The following SFXN1 variants were observed in gnomAD, a reference collection of about 807,000 sequenced individuals.
The protein encoded by SFXN1 is sideroflexin-1.
In SFXN1, 32 loss-of-function variants were observed where a neutral mutation model predicts 39.5. The observed-to-expected ratio is 0.81, with a 90% CI of 0.61 to 1.09. SFXN1 has a LOEUF of 1.09. Among genes scored for constraint, SFXN1 ranks in the 50% least tolerant of loss-of-function variants. The pLI is 0.00. For synonymous variants in SFXN1, 136 were observed against 146.5 expected, an observed-to-expected ratio of 0.93 and a Z score of 0.52; for missense variants, 402 against 407.1, an observed-to-expected ratio of 0.99 and a Z score of 0.11.
At chr5:175,521,487 T>C (rs1261439409) in intron 8 of SFXN1, among the ~76,000 whole-genome samples, 1 of 152,162 alleles carries the variant, frequency 6.6e-6, no homozygotes, top group African/African-American at 2.4e-5. Flanking sequence ...TTTTGTACCA[T>C]CACAAGGAAA....
At chr5:175,505,152 G>A (rs1581296813) in intron 2 of SFXN1, among the ~76,000 whole-genome samples, 2 of 152,180 alleles carry the variant, frequency 1.3e-5, no homozygotes, top group East Asian at 3.9e-4. Context: ...TAGGCCTGGG[G>A]AGAAAGGCTG....
At chr5:175,522,719 C>A in intron 10 of SFXN1, 1 of 308,764 alleles carries the variant, frequency 3.2e-6, no homozygotes, top group Non-Finnish European at 6.0e-6. Flanking sequence ...AAATATGGTC[C>A]AATCCACTGG....
chr5:175,498,349 A>G (rs1300856666), intron 2 of SFXN1, among the ~76,000 whole-genome samples: 3 of 152,296 alleles, frequency 2.0e-5, no homozygotes, highest in South Asian at 4.1e-4. Flanking sequence ...AACCCTCACA[A>G]CCTTTGAGGG....
chr5:175,500,233 G>A (rs1047886881), intron 2 of SFXN1, among the ~76,000 whole-genome samples: 1 of 151,696 alleles, frequency 6.6e-6, no homozygotes, highest in African/African-American at 2.4e-5. Context: ...AATGGGTTTA[G>A]TAAGGTTACA....
In SFXN1 at chr5:175,528,389, G is replaced by A. The variant is rs74371054; in HGVS notation, c.*1655G>A. On this transcript the variant is annotated 3_prime_UTR_variant, in exon 11 of 11. Transcript: ENST00000321442. ...TGTGCCTAGGTTATATGCAAATACT[G>A]TGCCATTTTATATCAGGAACTTGAG... 6.6e-6 allele frequency: 1 copy of A among 152,096 alleles called. No individual in the cohort carries two copies. The highest frequency in any genetic ancestry group is 2.4e-5 in the African/African-American group (1 of 41,396). 9.4% of individuals were successfully genotyped at this position (152,096 alleles called of 1,614,324 possible). A position where few individuals can be genotyped will look rare whatever the true frequency, so the allele number is the denominator to read the frequency against.
chr5:175,496,228 A>G (rs1451535150), intron 2 of SFXN1, among the ~76,000 whole-genome samples: 2 of 151,228 alleles, frequency 1.3e-5, no homozygotes, highest in East Asian at 1.9e-4. Context: ...ATTGTAATAG[A>G]TAGCCAGGCA....
intron 1 of SFXN1, among the ~76,000 whole-genome samples, chr5:175,487,035 A>C (rs1295186347): frequency 6.6e-6 from 1 of 152,202 alleles, no homozygotes; most frequent in African/African-American, 2.4e-5. Flanking sequence ...AACCCATATC[A>C]GATCTTCACC....
chr5:175,481,986 G>C (rs1338922152), intron 1 of SFXN1, among the ~76,000 whole-genome samples: 2 of 152,206 alleles, frequency 1.3e-5, no homozygotes, highest in Non-Finnish European at 2.9e-5. Context: ...TGGCCTCCAA[G>C]GGTCAGAATT....
At chr5:175,478,680 A>T (rs1759112044) in intron 1 of SFXN1, 41 bp downstream of exon 1, 2 of 152,428 alleles carry the variant, frequency 1.3e-5, no homozygotes, top group Admixed American at 1.3e-4. Flanking sequence ...GGGTGGGGAA[A>T]CGCGCAGGGG....
intron 1 of SFXN1, among the ~76,000 whole-genome samples, chr5:175,479,755 G>A (rs571309251): frequency 1.3e-5 from 2 of 152,252 alleles, no homozygotes; most frequent in Non-Finnish European, 1.5e-5. Context: ...GCACTTAGCT[G>A]CTCCGTAGGC....
intron 10 of SFXN1, 141 bp downstream of exon 10, chr5:175,522,563 G>A (rs2113362803): frequency 1.4e-6 from 1 of 717,178 alleles, no homozygotes; most frequent in Non-Finnish European, 2.2e-6. Flanking sequence ...TAAAAGGAAG[G>A]GATGGAGGCA....
chr5:175,512,392 G>A (rs1760553297), intron 6 of SFXN1, among the ~76,000 whole-genome samples, 196 bp downstream of exon 6: 1 of 152,202 alleles, frequency 6.6e-6, no homozygotes, highest in Admixed American at 6.5e-5. Flanking sequence ...TTAGCGATGA[G>A]TTACTGATTA....
intron 8 of SFXN1, among the ~76,000 whole-genome samples, chr5:175,520,723 A>G (rs1022552746): frequency 6.6e-6 from 1 of 152,106 alleles, no homozygotes; most frequent in Non-Finnish European, 1.5e-5. Context: ...GCTAAGTACT[A>G]TGTTTACCCT....
At chr5:175,514,325 A>G (rs1019682388) in intron 7 of SFXN1, among the ~76,000 whole-genome samples, 4 of 152,126 alleles carry the variant, frequency 2.6e-5, no homozygotes, top group Non-Finnish European at 4.4e-5. Flanking sequence ...AGGTTTCCCT[A>G]TAGGGACTGG....
At chr5:175,492,015 A>G in intron 1 of SFXN1, 80 bp from the exon 2 acceptor site, 1 of 1,122,066 alleles carries the variant, frequency 8.9e-7, no homozygotes, top group South Asian at 1.8e-5. Context: ...TTACTCAAAA[A>G]TTTAAGGTGA....
rs145757790 is a variant in SFXN1, at chr5:175,514,633, G to A, written c.724+1043G>A. ...AAGTCATCCATTGATACTGTTTTGC[G>A]GTTTTTAAATTCCTTTTGTCACTGT... On this transcript the variant is annotated intron_variant, in intron 7 of 10. Transcript: ENST00000321442. 7.0e-3 allele frequency among the ~76,000 whole-genome samples: 1,069 copies of A among 152,284 alleles called. 16 individuals are homozygous for A. Among genetic ancestry groups the A allele is most frequent in the African/African-American group, 0.024 (1,016 of 41,556 alleles).
chr5:175,497,427 G>C (rs976237682), intron 2 of SFXN1, among the ~76,000 whole-genome samples: 2 of 152,072 alleles, frequency 1.3e-5, no homozygotes, highest in Non-Finnish European at 2.9e-5. Flanking sequence ...CAAAAAGAAA[G>C]TAATAAAAAT....
At chr5:175,501,180 T>C (rs1277123227) in intron 2 of SFXN1, among the ~76,000 whole-genome samples, 7 of 150,916 alleles carry the variant, frequency 4.6e-5, no homozygotes, top group Admixed American at 1.3e-4. Context: ...GCTATTCTCC[T>C]GCCTAAGCCT....
Position 175,524,124 on chromosome 5 carries a change from AAATATATATATATATATATATATAT to A in SFXN1, c.872+1704_872+1728del, listed in dbSNP as rs1561678497. 7 of 25,040 alleles carry A rather than the reference AAATATATATATATATATATATATAT, an allele frequency of 2.8e-4. 1 individual carries two copies. The highest frequency in any genetic ancestry group is 4.0e-3 in the South Asian group (2 of 498). The allele number at this position is 25,040 out of a possible 1,614,324, so 1.6% of individuals were successfully genotyped here. On this transcript the variant is annotated intron_variant, in intron 10 of 10. Transcript: ENST00000321442. ...GTCTCAAAAAAAAAAAAAAAAAAAA[AAATATATATATATATATATATATAT>A]ATATATATATATATATATATATCTC... is the stretch of plus-strand genomic sequence containing the variant.
Sources: allele counts gnomAD v4.1 joint callset (sites outside exome capture counted in the v4.1 genomes callset), GRCh38; gene constraint gnomAD v4.1.1; transcripts MANE v1.5; gene names NCBI Gene and HGNC (gene_info 2026-07-23, HGNC 2026-07-21).